The following NACC2 variants were observed in gnomAD, a reference collection of about 807,000 sequenced individuals.
NACC2 encodes the protein nucleus accumbens-associated protein 2.
Under a neutral mutation model 25.1 loss-of-function variants are expected in NACC2, and 8 were observed. The ratio of observed to expected loss-of-function variants is 0.32; its 90% CI spans 0.19 to 0.57. The LOEUF (loss-of-function observed/expected upper bound fraction) is 0.57. Among genes scored for constraint, NACC2 ranks in the 20% least tolerant of loss-of-function variants. The probability of loss-of-function intolerance (pLI) is 0.89; values close to 1 mark genes in which losing one functional copy is unlikely to be tolerated. For synonymous variants in NACC2, 435 were observed against 294.7 expected, an observed-to-expected ratio of 1.48 and a Z score of -4.88; for missense variants, 644 against 650.2, an observed-to-expected ratio of 0.99 and a Z score of 0.10.
At chr9:136,036,506 T>C (rs1275932896) in intron 2 of NACC2, among the ~76,000 whole-genome samples, 2 of 152,160 alleles carry the variant, frequency 1.3e-5, no homozygotes, top group African/African-American at 4.8e-5. Flanking sequence ...TACATATATA[T>C]ACACACATAC....
At chr9:136,016,536 C>T in intron 2 of NACC2, 107 bp from the exon 3 acceptor site, 1 of 1,371,344 alleles carries the variant, frequency 7.3e-7, no homozygotes, top group Non-Finnish European at 1.0e-6. Context: ...TAGACCCACT[C>T]TGCCCACCTG....
chr9:136,066,359 C>A (rs1841080923), intron 1 of NACC2, among the ~76,000 whole-genome samples: 1 of 152,138 alleles, frequency 6.6e-6, no homozygotes, highest in African/African-American at 2.4e-5. Flanking sequence ...AAAGGTATTT[C>A]TCCAAATACT....
chr9:136,042,009 T>C (rs1840640905), intron 2 of NACC2, among the ~76,000 whole-genome samples: 1 of 152,216 alleles, frequency 6.6e-6, no homozygotes, highest in Non-Finnish European at 1.5e-5. Context: ...ATTTCTTTTT[T>C]TTTGAGACAG....
rs934926709 is a variant in NACC2, at chr9:136,051,097, C to A, written c.-59-517G>T. ...CGGTTTGCTTTCCCTCTCTTCCCTC[C>A]GAGCAGCCTCGCAGAGGGCCCCTGC... On this transcript the variant is annotated intron_variant, in intron 1 of 5. Transcript: ENST00000277554. Among the ~76,000 whole-genome samples, 96 of 152,316 alleles carry A rather than the reference C, an allele frequency of 6.3e-4. No homozygotes were observed. The East Asian group carries it at 0.017, about 27-fold the overall frequency.
At chr9:136,080,301 C>T (rs72773717) in intron 1 of NACC2, among the ~76,000 whole-genome samples, 6,912 of 152,268 alleles carry the variant, frequency 0.045, 186 homozygotes, top group Non-Finnish European at 0.06. Flanking sequence ...CAGGCCCCTT[C>T]GCTGCCCCTA....
chr9:136,043,557 A>G (rs902345346), intron 2 of NACC2, among the ~76,000 whole-genome samples: 4 of 152,220 alleles, frequency 2.6e-5, no homozygotes, highest in African/African-American at 7.2e-5. Context: ...GTTCAACCAC[A>G]TGACGAACAG....
At position 136,086,662 on chromosome 9, in the gene NACC2, A is replaced by T. The variant is rs1381569597; in HGVS notation, c.-60+8527T>A. On this transcript the variant is annotated intron_variant, in intron 1 of 5. Transcript: ENST00000277554. The surrounding 1 kb of genome is among the most constrained non-coding windows in gnomAD (Gnocchi z 5.6). Reference sequence around the variant, plus strand: ...TAATTAACACGAATCCTGTTCCCAAACTTACATAACCGCAGATGACAACGC... The same window carrying T: ...TAATTAACACGAATCCTGTTCCCAATCTTACATAACCGCAGATGACAACGC... 6.6e-6 allele frequency among the ~76,000 whole-genome samples: 1 copy of T among 152,088 alleles called. No individual in the cohort carries two copies. Among genetic ancestry groups the T allele is most frequent in the Non-Finnish European group, 1.5e-5 (1 of 68,016 alleles).
In NACC2 at chr9:136,049,736, C is replaced by T. The variant is rs1840787620; in HGVS notation, c.786G>A (p.Ser262=). ...SSLPTTDSPT[S]YHNEEDEEDD... ...CCTCCTCGTCCTCCTCGTTGTGGTA[C>T]GAGGTGGGGCTGTCGGTGGTGGGCA... is the stretch of plus-strand genomic sequence containing the variant. Residue 262 remains serine (S), a synonymous_variant, in exon 2 of 6, where the codon TCG becomes TCA. Coordinates refer to ENST00000277554, the MANE Select transcript of NACC2 (RefSeq NM_144653.5). 6.4e-6 allele frequency: 5 copies of T among 778,696 alleles called. No homozygotes were observed. Among genetic ancestry groups the T allele is most frequent in the African/African-American group, 3.4e-5 (2 of 59,042 alleles). The allele number at this position is 778,696 out of a possible 1,614,324, so 48.2% of individuals were successfully genotyped here.
At position 136,008,043 on chromosome 9, in the gene NACC2, G is replaced by T. The variant is rs977624679; in HGVS notation, c.*3473C>A. ...TCCTATGTTCTAGGAGCCCCGACCC[G>T]CAGTCACCAACGCCGGCACCCCCAG... On this transcript the variant is annotated 3_prime_UTR_variant, in exon 6 of 6. Transcript: ENST00000277554. 1.3e-5 allele frequency: 2 copies of T among 152,340 alleles called. No individual in the cohort carries two copies. The highest frequency in any genetic ancestry group is 2.4e-5 in the African/African-American group (1 of 41,558). 9.4% of individuals were successfully genotyped at this position (152,340 alleles called of 1,614,324 possible).
At chr9:136,017,301 A>G (rs1488925200) in intron 2 of NACC2, among the ~76,000 whole-genome samples, 1 of 152,130 alleles carries the variant, frequency 6.6e-6, no homozygotes, top group East Asian at 1.9e-4. Flanking sequence ...CACACAGCCC[A>G]TGGTGCCACC....
chr9:136,011,901 G>T lies in NACC2; in HGVS notation c.1379C>A (p.Pro460Gln). ...RWLPKIKSML[P>Q]EGVEMYRTVM... is the part of the protein sequence containing the mutation. ...CGTGCGGTACATCTCCACGCCCTCCGGCAGCATGGACTTGATCTTGGGCAG... is the reference window on the plus strand; with the variant it reads ...CGTGCGGTACATCTCCACGCCCTCCTGCAGCATGGACTTGATCTTGGGCAG... The change falls in exon 6 of 6, where the codon CCG becomes CAG. Residue 460 changes from proline to glutamine, a missense_variant. Coordinates refer to ENST00000277554, the MANE Select transcript of NACC2 (RefSeq NM_144653.5). The T allele has an allele frequency of 6.3e-7, 1 of 1,584,822 alleles. No homozygotes were observed. The highest frequency in any genetic ancestry group is 1.8e-5 in the Admixed American group (1 of 56,360).
intron 1 of NACC2, among the ~76,000 whole-genome samples, chr9:136,093,780 C>A (rs1564247139): frequency 8.9e-6 from 1 of 112,668 alleles, no homozygotes; most frequent in African/African-American, 3.4e-5. Flanking sequence ...GGTGCTCCAA[C>A]GGTGGCCGGG....
intron 2 of NACC2, among the ~76,000 whole-genome samples, chr9:136,046,543 G>T (rs1270412064): frequency 6.6e-6 from 1 of 152,190 alleles, no homozygotes; most frequent in Non-Finnish European, 1.5e-5. Flanking sequence ...AGCACTGAGC[G>T]TCCCGAGCCA....
intron 2 of NACC2, among the ~76,000 whole-genome samples, chr9:136,021,956 A>C (rs562109628): frequency 3.9e-5 from 6 of 152,190 alleles, no homozygotes; most frequent in Non-Finnish European, 8.8e-5. Context: ...ACAAGCCTCA[A>C]GGGCAGCATG....
Position 136,020,349 on chromosome 9 carries a change from C to T in NACC2, c.887-3920G>A, listed in dbSNP as rs1169508162. Among the ~76,000 whole-genome samples, 2 of 152,204 alleles carry T rather than the reference C, an allele frequency of 1.3e-5. No individual in the cohort carries two copies. Among genetic ancestry groups the T allele is most frequent in the Admixed American group, 6.5e-5 (1 of 15,280 alleles). On this transcript the variant is annotated intron_variant, in intron 2 of 5. Coordinates refer to ENST00000277554, the MANE Select transcript of NACC2 (RefSeq NM_144653.5). The surrounding 1 kb of genome is among the most constrained non-coding windows in gnomAD (Gnocchi z 4.7). ...CAAAACACCCCGAGATCCCTGCCCA[C>T]GGGCCAACACCACGGCAGGATGTCC...
At chr9:136,071,379 C>T (rs1370378077) in intron 1 of NACC2, among the ~76,000 whole-genome samples, 1 of 151,830 alleles carries the variant, frequency 6.6e-6, no homozygotes, top group Non-Finnish European at 1.5e-5. Flanking sequence ...CCCGTCTCTA[C>T]TAAAGATATG....
chr9:136,048,598 C>T (rs987916417), intron 2 of NACC2, among the ~76,000 whole-genome samples: 4 of 152,266 alleles, frequency 2.6e-5, no homozygotes, highest in African/African-American at 9.6e-5. Flanking sequence ...GAAGACACCA[C>T]GGAGCCCAGA....
intron 2 of NACC2, among the ~76,000 whole-genome samples, chr9:136,047,100 C>T (rs1564229692): frequency 1.3e-5 from 2 of 152,138 alleles, no homozygotes; most frequent in South Asian, 2.1e-4. Context: ...CCTTAGAACA[C>T]GCTAGTCCTA....
chr9:136,060,309 T>C (rs1840990172), intron 1 of NACC2, among the ~76,000 whole-genome samples: 1 of 152,210 alleles, frequency 6.6e-6, no homozygotes, highest in Non-Finnish European at 1.5e-5. Context: ...AGGCCTGCAC[T>C]TGGCTTTGGG....
Sources: allele counts gnomAD v4.1 joint callset (sites outside exome capture counted in the v4.1 genomes callset), GRCh38; gene constraint gnomAD v4.1.1; non-coding constraint Gnocchi (gnomAD v3.1); transcripts MANE v1.5; gene names NCBI Gene and HGNC (gene_info 2026-07-23, HGNC 2026-07-21).